Variants in EEIG2 observed in about 807,000 individuals in gnomAD.
The protein encoded by EEIG2 is EEIG family member 2, also known as family with sequence similarity 102 member B.
chr1:108,615,433 G>A, the EEIG2 span, among the ~76,000 whole-genome samples: 1 of 152,042 alleles, frequency 6.6e-6, no homozygotes, highest in African/African-American at 2.4e-5. Flanking sequence ...GACTGTTAAA[G>A]GTAGTCAGCA....
At chr1:108,598,659 G>T in the EEIG2 span, among the ~76,000 whole-genome samples, 1 of 152,148 alleles carries the variant, frequency 6.6e-6, no homozygotes, top group Admixed American at 6.5e-5. Flanking sequence ...AATGGCCAAA[G>T]TTATCATAGT....
the EEIG2 span, among the ~76,000 whole-genome samples, chr1:108,575,734 A>G: frequency 2.2e-4 from 34 of 152,342 alleles, no homozygotes; most frequent in Non-Finnish European, 4.6e-4. Flanking sequence ...CTATGATTCA[A>G]TTGATATAAA....
the EEIG2 span, among the ~76,000 whole-genome samples, chr1:108,632,135 A>AAG: frequency 7.4e-5 from 5 of 67,648 alleles, no homozygotes; most frequent in African/African-American, 3.0e-4. Context: ...AAAAAAAAAA[A>AAG]AGAAGAAGAA....
At chr1:108,582,972 A>ACCC in the EEIG2 span, among the ~76,000 whole-genome samples, 54 of 151,308 alleles carry the variant, frequency 3.6e-4, no homozygotes, top group East Asian at 1.2e-3. Context: ...TATGATTTGA[A>ACCC]CCCCCCACAC....
At chr1:108,615,380 TATC>T in the EEIG2 span, among the ~76,000 whole-genome samples, 2 of 152,214 alleles carry the variant, frequency 1.3e-5, no homozygotes, top group Non-Finnish European at 2.9e-5. Context: ...CTATTACCAT[TATC>T]ATTATTATTC....
At chr1:108,622,963 G>C in the EEIG2 span, among the ~76,000 whole-genome samples, 2 of 152,130 alleles carry the variant, frequency 1.3e-5, no homozygotes, top group African/African-American at 2.4e-5. Context: ...GGCTGGGCAT[G>C]GTGGCTCGTA....
At chr1:108,625,973 C>G in the EEIG2 span, 1 of 152,276 alleles carries the variant, frequency 6.6e-6, no homozygotes, top group African/African-American at 2.4e-5. Context: ...TTGCTGCTAT[C>G]CCCTGATACA....
At chr1:108,622,177 A>G in the EEIG2 span, among the ~76,000 whole-genome samples, 16 of 152,254 alleles carry the variant, frequency 1.1e-4, no homozygotes, top group South Asian at 2.1e-4. Flanking sequence ...AAGAAAGGAG[A>G]AAGAAAATAC....
the EEIG2 span, among the ~76,000 whole-genome samples, chr1:108,560,976 T>C: frequency 6.6e-6 from 1 of 152,206 alleles, no homozygotes; most frequent in East Asian, 1.9e-4. Context: ...CCTTCTCCCT[T>C]GTAGATTACA....
the EEIG2 span, among the ~76,000 whole-genome samples, chr1:108,575,275 G>A: frequency 6.6e-6 from 1 of 152,028 alleles, no homozygotes; most frequent in Non-Finnish European, 1.5e-5. Context: ...TGCCCTTCCT[G>A]GTTAAATCCT....
the EEIG2 span, chr1:108,636,124 A>G: frequency 1.3e-5 from 2 of 152,212 alleles, no homozygotes; most frequent in Non-Finnish European, 2.9e-5. Context: ...CTAGGTTTCC[A>G]TTTTAGCTCT....
chr1:108,579,976 G>C, the EEIG2 span, among the ~76,000 whole-genome samples: 1 of 151,978 alleles, frequency 6.6e-6, no homozygotes, highest in African/African-American at 2.4e-5. Context: ...TGTTGCCTGG[G>C]CTGGTCTCGA....
At chr1:108,595,366 GGGAGAGAGGGAA>G in the EEIG2 span, among the ~76,000 whole-genome samples, 1 of 146,962 alleles carries the variant, frequency 6.8e-6, no homozygotes, top group East Asian at 2.1e-4. Flanking sequence ...CTTTTACAGA[GGGAGAGAGGGAA>G]GGAGGGAGGG....
chr1:108,568,860 A>G, the EEIG2 span, among the ~76,000 whole-genome samples: 1 of 152,190 alleles, frequency 6.6e-6, no homozygotes, highest in Non-Finnish European at 1.5e-5. Flanking sequence ...TCCATTGACC[A>G]GAACATCAGC....
the EEIG2 span, among the ~76,000 whole-genome samples, chr1:108,567,019 T>A: frequency 1.3e-5 from 2 of 152,166 alleles, no homozygotes; most frequent in South Asian, 2.1e-4. Context: ...GCAAAAAAAA[T>A]AAATATGTGA....
At chr1:108,634,803 G>A in the EEIG2 span, among the ~76,000 whole-genome samples, 6 of 152,166 alleles carry the variant, frequency 3.9e-5, no homozygotes, top group African/African-American at 1.4e-4. Context: ...ATTTTAGAAT[G>A]AATAGATAAA....
At chr1:108,614,324 G>A in the EEIG2 span, among the ~76,000 whole-genome samples, 1 of 151,818 alleles carries the variant, frequency 6.6e-6, no homozygotes, top group African/African-American at 2.4e-5. Flanking sequence ...TGCATGCTGA[G>A]CATTGCTGAA....
chr1:108,627,003 C>A, the EEIG2 span: 1 of 152,248 alleles, frequency 6.6e-6, no homozygotes. Context: ...TTGCTTCTAC[C>A]TCTAAACTCT....
chr1:108,561,709 G>A, the EEIG2 span, among the ~76,000 whole-genome samples: 1 of 152,216 alleles, frequency 6.6e-6, no homozygotes, highest in Non-Finnish European at 1.5e-5. Flanking sequence ...CACATCAGTG[G>A]ATATTCAGCT....
Sources: allele counts gnomAD v4.1 joint callset (sites outside exome capture counted in the v4.1 genomes callset), GRCh38; gene constraint gnomAD v4.1.1; transcripts MANE v1.5; gene names NCBI Gene and HGNC (gene_info 2026-07-23, HGNC 2026-07-21).